FOXP2: variants seen among roughly 807,000 people sequenced by gnomAD.
FOXP2 encodes the protein forkhead box P2.
A neutral mutation model predicts 115.8 loss-of-function variants in FOXP2; 12 were observed. The ratio of observed to expected loss-of-function variants is 0.10; its 90% CI spans 0.07 to 0.17. FOXP2 has a LOEUF of 0.17. FOXP2 is among the 10% of genes least tolerant of loss of function. FOXP2 has a pLI of 1.00. For missense variants in FOXP2, 629 were observed against 843.5 expected (o/e 0.75, Z 3.15); for synonymous variants, 328 against 297.7 (o/e 1.10, Z -1.05).
Position 114,147,427 on chromosome 7 carries a change from AC to A in FOXP2, c.-246-15516del, listed in dbSNP as rs770343639. Among the ~76,000 whole-genome samples the A allele has an allele frequency of 1.9e-4, 29 of 152,204 alleles. 1 individual carries two copies. Among genetic ancestry groups the A allele is most frequent in the Non-Finnish European group, 4.0e-4 (27 of 67,992 alleles). ...GTGCCATGATGTAGTGAAATAGAAA[AC>A]AAGGCTTTTATTTTAAAGCAGACAT... On this transcript the variant is annotated intron_variant, in intron 1 of 19. Transcript: ENST00000635638.
intron 3 of FOXP2, among the ~76,000 whole-genome samples, chr7:114,540,830 G>A (rs1212246642): frequency 6.6e-6 from 1 of 152,030 alleles, no homozygotes; most frequent in East Asian, 1.9e-4. Context: ...AGTTTGTTTT[G>A]ATCAGCCTAG....
intron 2 of FOXP2, among the ~76,000 whole-genome samples, chr7:114,478,171 G>C (rs907026998): frequency 6.6e-6 from 1 of 151,824 alleles, no homozygotes; most frequent in East Asian, 1.9e-4. Context: ...TATAGTAAAA[G>C]AGACTGAGTA....
At chr7:114,466,420 C>A (rs140229316) in intron 2 of FOXP2, among the ~76,000 whole-genome samples, 1 of 152,204 alleles carries the variant, frequency 6.6e-6, no homozygotes, top group Admixed American at 6.5e-5. Context: ...AATGGCCTCC[C>A]AGATGTGTTG....
intron 1 of FOXP2, among the ~76,000 whole-genome samples, chr7:114,143,937 T>C (rs555159801): frequency 1.3e-5 from 2 of 152,178 alleles, no homozygotes; most frequent in East Asian, 1.9e-4. Context: ...CTTATGATGG[T>C]TTGACTTATA....
rs79647138 is a variant in FOXP2 at position 114,224,299 on chromosome 7, A to T, written c.-102+61211A>T. 8.1e-3 allele frequency among the ~76,000 whole-genome samples: 1,227 copies of T among 152,112 alleles called. 21 individuals are homozygous for T. Among genetic ancestry groups the T allele is most frequent in the African/African-American group, 0.028 (1,175 of 41,526 alleles). Reference sequence around the variant, plus strand: ...TTTTACAATTAGCTTGTCAGTTTGGATGAAAGCTTTTGGGATTTTCATAGA... The same window carrying T: ...TTTTACAATTAGCTTGTCAGTTTGGTTGAAAGCTTTTGGGATTTTCATAGA... On this transcript the variant is annotated intron_variant, in intron 1 of 17. Transcript: ENST00000634411.
intron 2 of FOXP2, among the ~76,000 whole-genome samples, chr7:114,404,799 G>A (rs925690012): frequency 6.6e-6 from 1 of 151,900 alleles, no homozygotes; most frequent in Non-Finnish European, 1.5e-5. Context: ...TTATTCTTCT[G>A]TTATTCATTT....
chr7:114,515,635 T>G, intron 2 of FOXP2, among the ~76,000 whole-genome samples: 1 of 151,984 alleles, frequency 6.6e-6, no homozygotes, highest in African/African-American at 2.4e-5. Flanking sequence ...GTCAGATGAG[T>G]AGGTTGCGAA....
chr7:114,659,454 T>G (rs1171868841), intron 12 of FOXP2, 22 bp downstream of exon 12: 1 of 1,604,916 alleles, frequency 6.2e-7, no homozygotes, highest in Non-Finnish European at 8.5e-7. Flanking sequence ...GAAAATTAAC[T>G]TTGCCTGATT....
chr7:114,462,372 T>A (rs1472577580), intron 2 of FOXP2, among the ~76,000 whole-genome samples: 1 of 143,220 alleles, frequency 7.0e-6, no homozygotes, highest in Non-Finnish European at 1.5e-5. Context: ...ATATCTTTTT[T>A]TTTTTTTTTT....
chr7:114,262,294 G>T (rs1795775148), intron 1 of FOXP2, among the ~76,000 whole-genome samples: 1 of 152,192 alleles, frequency 6.6e-6, no homozygotes, highest in African/African-American at 2.4e-5. Flanking sequence ...ATGGTGGTAT[G>T]TACCTGTAAT....
At chr7:114,115,232 C>T (rs1791371492) in intron 1 of FOXP2, among the ~76,000 whole-genome samples, 1 of 152,038 alleles carries the variant, frequency 6.6e-6, no homozygotes. Flanking sequence ...TCTGTGCCTA[C>T]CAGAATGCAG....
chr7:114,654,024 C>A lies in FOXP2; in HGVS notation c.1266+15C>A, dbSNP rs768186488. On this transcript the variant is annotated intron_variant, in intron 10 of 16. Transcript: ENST00000350908. ...CTCCCAAACCTGTAAGTGCATATTG[C>A]TTTATAAACAGTAAATAGCTCTACC... The A allele has an allele frequency of 1.9e-6, 3 of 1,612,966 alleles. No individual in the cohort carries two copies. In the African/African-American group the frequency reaches 4.0e-5, roughly 22 times the overall value.
chr7:114,556,731 A>T (rs1014293266), intron 3 of FOXP2, among the ~76,000 whole-genome samples: 1 of 152,234 alleles, frequency 6.6e-6, no homozygotes, highest in Non-Finnish European at 1.5e-5. Context: ...AATACCCTAT[A>T]TAAGCACAGC....
intron 2 of FOXP2, among the ~76,000 whole-genome samples, chr7:114,366,991 A>G (rs1254305925): frequency 6.6e-6 from 1 of 152,144 alleles, no homozygotes; most frequent in Non-Finnish European, 1.5e-5. Context: ...ATTCCACTTA[A>G]CTATTTAGAT....
intron 2 of FOXP2, among the ~76,000 whole-genome samples, chr7:114,394,430 C>A (rs1037757802): frequency 6.6e-6 from 1 of 151,558 alleles, no homozygotes; most frequent in Non-Finnish European, 1.5e-5. Flanking sequence ...CAAGCAAACA[C>A]CCCTACACAC....
intron 3 of FOXP2, among the ~76,000 whole-genome samples, chr7:114,626,644 GTCTA>G (rs1326347763): frequency 6.6e-6 from 1 of 151,076 alleles, no homozygotes; most frequent in Non-Finnish European, 1.5e-5. Flanking sequence ...AGTTTAATAT[GTCTA>G]TCTTTCTCTG....
At chr7:114,359,582 G>C (rs2690837) in intron 2 of FOXP2, among the ~76,000 whole-genome samples, 83,850 of 152,154 alleles carry the variant, frequency 0.55, 23,722 homozygotes, top group East Asian at 0.83. Context: ...AGCAAAGCCA[G>C]AGGGGCAGAG....
chr7:114,551,138 T>C (rs1221747477), intron 3 of FOXP2, among the ~76,000 whole-genome samples: 2 of 152,178 alleles, frequency 1.3e-5, no homozygotes, highest in Non-Finnish European at 2.9e-5. Context: ...AACCACAAAC[T>C]ACACACAAAA....
At chr7:114,478,890 G>A (rs561772054) in intron 2 of FOXP2, among the ~76,000 whole-genome samples, 9 of 151,636 alleles carry the variant, frequency 5.9e-5, no homozygotes, top group African/African-American at 1.4e-4. Flanking sequence ...CTTCAGTAGC[G>A]TATTATATGG....
Sources: gnomAD v4.1 joint callset for allele counts (sites outside exome capture counted in the v4.1 genomes callset) on GRCh38, gnomAD v4.1.1 for gene constraint, MANE v1.5 for transcripts, NCBI Gene and HGNC (gene_info 2026-07-23, HGNC 2026-07-21) for gene names.